Variants in PWWP3B observed in about 807,000 individuals in gnomAD.
PWWP3B encodes the protein PWWP domain containing 3B.
A neutral mutation model predicts 15.7 loss-of-function variants in PWWP3B; 5 were observed. The observed-to-expected ratio is 0.32, with a 90% CI of 0.17 to 0.67. The LOEUF (loss-of-function observed/expected upper bound fraction) is 0.67, where lower values mean the gene tolerates loss of function less well. Ranked by LOEUF, PWWP3B falls within the 30% of genes least tolerant of loss-of-function variation. The pLI is 0.74. For missense variants in PWWP3B, 519 were observed against 493.1 expected (o/e 1.05, Z -0.50); for synonymous variants, 203 against 179.8 (o/e 1.13, Z -1.03).
intron 2 of PWWP3B, among the ~76,000 whole-genome samples, chrX:106,203,498 G>A (rs1923817674): frequency 9.0e-6 from 1 of 111,721 alleles, no homozygotes; most frequent in Non-Finnish European, 1.9e-5. Flanking sequence ...CATCATAAGA[G>A]GGCACTAGAC....
At chrX:106,174,355 C>G (rs781230540) in intron 2 of PWWP3B, among the ~76,000 whole-genome samples, 273 of 111,662 alleles carry the variant, frequency 2.4e-3, no homozygotes, top group Non-Finnish European at 3.6e-3. Flanking sequence ...CTTAAGAGAC[C>G]TAAACCTCAG....
At position 106,208,138 on chromosome X, in the gene PWWP3B, A is replaced by G. The variant is rs1407559863; in HGVS notation, c.*615A>G. On this transcript the variant is annotated 3_prime_UTR_variant, in exon 4 of 4. Coordinates refer to ENST00000357175, the MANE Select transcript of PWWP3B (RefSeq NM_001171020.2). ...TAATTCAAAAATGAAGATTATCTGC[A>G]TATAGTATTTATGTGTGTGAATAAC... is the stretch of plus-strand genomic sequence containing the variant. 2 of 124,159 alleles carry G rather than the reference A, an allele frequency of 1.6e-5. No homozygotes were observed. Among genetic ancestry groups the G allele is most frequent in the South Asian group, 3.6e-4 (1 of 2,787 alleles). 10.2% of individuals were successfully genotyped at this position (124,159 alleles called of 1,213,427 possible).
In PWWP3B at chrX:106,184,303, T is replaced by G. The variant is rs192500400; in HGVS notation, c.-401+13164T>G. On this transcript the variant is annotated intron_variant, in intron 2 of 3. Coordinates refer to ENST00000357175, the MANE Select transcript of PWWP3B (RefSeq NM_001171020.2). ...TGGATCAGTTGACCCTTGAGGGAGT[T>G]GGGTGACAGGGGAGTATATTTTCTT... Among the ~76,000 whole-genome samples the G allele has an allele frequency of 2.7e-5, 3 of 111,474 alleles. No individual in the cohort carries two copies. The East Asian group carries it at 8.5e-4, about 31-fold the overall frequency.
At position 106,183,744 on chromosome X, in the gene PWWP3B, G is replaced by A. The variant is rs376963716; in HGVS notation, c.-401+12605G>A. On this transcript the variant is annotated intron_variant, in intron 2 of 3. Transcript: ENST00000357175. ...TAGGAGATAACACTGAGAAAGACACGCCAGTGTCCAGGAGGAAGTCAATTT... is the reference window on the plus strand; with the variant it reads ...TAGGAGATAACACTGAGAAAGACACACCAGTGTCCAGGAGGAAGTCAATTT... 9.8e-5 allele frequency among the ~76,000 whole-genome samples: 11 copies of A among 112,209 alleles called. 1 individual carries two copies. The highest frequency in any genetic ancestry group is 5.7e-4 in the East Asian group (2 of 3,523).
intron 2 of PWWP3B, among the ~76,000 whole-genome samples, chrX:106,196,857 T>C (rs759071213): frequency 8.9e-6 from 1 of 112,071 alleles, no homozygotes; most frequent in Non-Finnish European, 1.9e-5. Context: ...CTGGCTTGCA[T>C]AACTTATATT....
intron 2 of PWWP3B, among the ~76,000 whole-genome samples, chrX:106,202,887 T>C (rs1465578306): frequency 1.8e-5 from 2 of 112,144 alleles, no homozygotes; most frequent in Non-Finnish European, 3.8e-5. Context: ...AAAACATATC[T>C]ATGAAAGTTT....
chrX:106,191,719 G>A lies in PWWP3B; in HGVS notation c.-400-12266G>A, dbSNP rs1437664607. 9.0e-5 allele frequency among the ~76,000 whole-genome samples: 10 copies of A among 110,864 alleles called. No individual in the cohort carries two copies. In the South Asian group the frequency reaches 2.6e-3, roughly 29 times the overall value. On this transcript the variant is annotated intron_variant, in intron 2 of 3. Transcript: ENST00000357175. ...TATTATTTTGAGATACGTCCCATCA[G>A]TACCTAATTTATTGAGAGTTTTTAG...
intron 2 of PWWP3B, among the ~76,000 whole-genome samples, chrX:106,183,382 A>G (rs1161769009): frequency 1.8e-5 from 2 of 111,596 alleles, no homozygotes; most frequent in South Asian, 3.8e-4. Flanking sequence ...GCTTTTGATA[A>G]GGAAAAGTGG....
intron 2 of PWWP3B, among the ~76,000 whole-genome samples, chrX:106,181,949 T>C (rs1321544084): frequency 1.8e-5 from 2 of 112,345 alleles, no homozygotes; most frequent in East Asian, 2.8e-4. Context: ...GGAGAAGCCA[T>C]GTCGCCCAAC....
chrX:106,206,086 G>T lies in PWWP3B; in HGVS notation c.654G>T (p.Met218Ile). 8.3e-7 allele frequency: 1 copy of T among 1,211,293 alleles called. No homozygotes were observed. The highest frequency in any genetic ancestry group is 1.1e-6 in the Non-Finnish European group (1 of 895,148). The change falls in exon 4 of 4, where the codon ATG (methionine) becomes ATT (isoleucine). Residue 218 changes from methionine (M) to isoleucine (I), a missense_variant. Met to Ile is a conservative substitution (Grantham distance 10). Transcript: ENST00000357175. ...ATAAGATTGATATCTCAGCAGTTAT[G>T]TCTGTGCATTCTGCAGTCAAAGAGG... is the stretch of plus-strand genomic sequence containing the variant. ...NKNKIDISAV[M>I]SVHSAVKEES... is the part of the protein sequence containing the mutation.
chrX:106,189,878 A>G (rs1922800363), intron 2 of PWWP3B, among the ~76,000 whole-genome samples: 1 of 111,941 alleles, frequency 8.9e-6, no homozygotes, highest in Admixed American at 9.4e-5. Context: ...CGGCCTCCCA[A>G]AGTGCTGGGA....
At chrX:106,192,512 T>C (rs1376437934) in intron 2 of PWWP3B, among the ~76,000 whole-genome samples, 1 of 111,523 alleles carries the variant, frequency 9.0e-6, no homozygotes, top group African/African-American at 3.3e-5. Context: ...TCATTGATTT[T>C]TTGAAGGGTT....
chrX:106,199,254 C>T (rs1450544841), intron 2 of PWWP3B, among the ~76,000 whole-genome samples: 2 of 110,682 alleles, frequency 1.8e-5, no homozygotes, highest in Non-Finnish European at 3.8e-5. Flanking sequence ...GACGGGGTTT[C>T]ACCGTGTTAG....
intron 2 of PWWP3B, among the ~76,000 whole-genome samples, chrX:106,187,301 G>A (rs995446437): frequency 2.5e-4 from 28 of 111,890 alleles, no homozygotes; most frequent in East Asian, 8.4e-4. Flanking sequence ...TGAGGTCCTC[G>A]TCAAACTTGT....
chrX:106,171,370 A>G (rs973328605), intron 2 of PWWP3B, among the ~76,000 whole-genome samples: 1 of 111,621 alleles, frequency 9.0e-6, no homozygotes, highest in Admixed American at 9.5e-5. Flanking sequence ...TAGTTTTTGG[A>G]AAGAATCCAT....
chrX:106,205,453 A>C lies in PWWP3B; in HGVS notation c.21A>C (p.Leu7=), dbSNP rs186011816. 10 of 1,171,374 alleles carry C rather than the reference A, an allele frequency of 8.5e-6. No individual in the cohort carries two copies. The highest frequency in any genetic ancestry group is 4.6e-6 in the Non-Finnish European group (4 of 877,033). The part of the protein sequence containing the change: MESEYV[L]CNWKDQLWPA... ...CCATAATGGAGTCTGAGTATGTCCT[A>C]TGCAACTGGAAAGACCAGTTGTGGC... is the stretch of plus-strand genomic sequence containing the variant. The change falls in exon 4 of 4, where the codon CTA becomes CTC. Residue 7 remains leucine, a synonymous_variant. Coordinates refer to ENST00000357175, the MANE Select transcript of PWWP3B (RefSeq NM_001171020.2).
At chrX:106,194,984 G>A (rs1445093998) in intron 2 of PWWP3B, among the ~76,000 whole-genome samples, 1 of 111,571 alleles carries the variant, frequency 9.0e-6, no homozygotes, top group African/African-American at 3.3e-5. Flanking sequence ...GCTACTCGGG[G>A]GTCAGGGACC....
chrX:106,173,469 CTA>C (rs1466948948), intron 2 of PWWP3B, among the ~76,000 whole-genome samples: 2 of 111,294 alleles, frequency 1.8e-5, no homozygotes, highest in African/African-American at 6.5e-5. Flanking sequence ...TGTGTCTTGT[CTA>C]TATTCTCATC....
Position 106,205,694 on chromosome X carries a change from A to G in PWWP3B, c.262A>G (p.Arg88Gly). 1 of 1,211,822 alleles carries G rather than the reference A, an allele frequency of 8.3e-7. No homozygotes were observed. The highest frequency in any genetic ancestry group is 1.1e-6 in the Non-Finnish European group (1 of 895,423). The part of the protein sequence containing the change: ...APPTEETAYG[R>G]SLKVALGILN... ...ACCTACAGAGGAAACTGCCTATGGA[A>G]GATCACTAAAAGTGGCACTGGGTAT... Residue 88 changes from arginine (R) to glycine (G), a missense_variant, in exon 4 of 4, where the codon AGA becomes GGA. Arg to Gly is a moderately radical substitution (Grantham distance 125). Transcript: ENST00000357175.
Sources: allele counts gnomAD v4.1 joint callset (sites outside exome capture counted in the v4.1 genomes callset), GRCh38; gene constraint gnomAD v4.1.1; transcripts MANE v1.5; gene names NCBI Gene and HGNC (gene_info 2026-07-23, HGNC 2026-07-21).